The following SPIDR variants were observed in gnomAD, a reference collection of about 807,000 sequenced individuals.
SPIDR encodes the protein DNA repair-scaffolding protein.
In SPIDR, 93 loss-of-function variants were observed where a neutral mutation model predicts 104.6. That is an observed-to-expected ratio of 0.89 (90% CI 0.75 to 1.06). SPIDR has a LOEUF of 1.06. Ranked by LOEUF, SPIDR falls within the 50% of genes least tolerant of loss-of-function variation. The probability of loss-of-function intolerance (pLI) is 0.00; values close to 1 mark genes in which losing one functional copy is unlikely to be tolerated. For missense variants in SPIDR, 1,154 were observed against 1,111.2 expected, an observed-to-expected ratio of 1.04 and a Z score of -0.55; for synonymous variants, 431 against 416.9, an observed-to-expected ratio of 1.03 and a Z score of -0.41.
intron 5 of SPIDR, among the ~76,000 whole-genome samples, chr8:47,314,585 C>T (rs1470265244): frequency 1.3e-5 from 2 of 152,088 alleles, no homozygotes; most frequent in Non-Finnish European, 1.5e-5. Flanking sequence ...CTTATAAAAC[C>T]ATCAGATCTC....
rs933315497 is a variant in SPIDR at position 47,304,529 on chromosome 8, C to T, written c.525+10499C>T. Among the ~76,000 whole-genome samples, 2 of 152,080 alleles carry T rather than the reference C, an allele frequency of 1.3e-5. 1 individual carries two copies. The highest frequency in any genetic ancestry group is 4.1e-4 in the South Asian group (2 of 4,826). On this transcript the variant is annotated intron_variant, in intron 5 of 19. Transcript: ENST00000297423. Reference sequence around the variant, plus strand: ...TAAAAAAAATTAAAATAAATAAATACGTAAAAGTGTGTAGTACTGCCCACT... The same window carrying T: ...TAAAAAAAATTAAAATAAATAAATATGTAAAAGTGTGTAGTACTGCCCACT...
At chr8:47,501,978 A>G (rs906887312) in intron 8 of SPIDR, among the ~76,000 whole-genome samples, 1 of 152,194 alleles carries the variant, frequency 6.6e-6, no homozygotes, top group African/African-American at 2.4e-5. Context: ...CCAGCCTTGC[A>G]TCCCAGGGAT....
chr8:47,619,406 A>G (rs569658480), intron 10 of SPIDR, among the ~76,000 whole-genome samples: 108 of 152,192 alleles, frequency 7.1e-4, no homozygotes, highest in African/African-American at 2.6e-3. Context: ...TGCACATTTG[A>G]GCACCTCCCA....
intron 8 of SPIDR, among the ~76,000 whole-genome samples, chr8:47,500,914 G>T (rs1173246064): frequency 2.0e-5 from 3 of 152,128 alleles, no homozygotes; most frequent in East Asian, 1.9e-4. Context: ...TTTCCCCATT[G>T]CTTGTTTTTG....
At chr8:47,416,681 T>G (rs1242751264) in intron 7 of SPIDR, among the ~76,000 whole-genome samples, 3 of 152,108 alleles carry the variant, frequency 2.0e-5, no homozygotes, top group African/African-American at 7.2e-5. Flanking sequence ...GCAGGTTTCT[T>G]ACATATGTAT....
chr8:47,454,896 T>G (rs1049935519), intron 8 of SPIDR, among the ~76,000 whole-genome samples: 8 of 151,884 alleles, frequency 5.3e-5, no homozygotes, highest in East Asian at 1.9e-4. Flanking sequence ...AAAATAATAA[T>G]AATAAATAAG....
chr8:47,681,465 C>A (rs1051099721), intron 11 of SPIDR, among the ~76,000 whole-genome samples: 5 of 152,034 alleles, frequency 3.3e-5, no homozygotes, highest in African/African-American at 1.2e-4. Context: ...AAGATGAAGT[C>A]TGTTTTCCTG....
rs782120869 is a variant in SPIDR at position 47,416,880 on chromosome 8, G to GT, written c.877+8925dup. 6.3e-4 allele frequency among the ~76,000 whole-genome samples: 93 copies of GT among 147,116 alleles called. 1 individual carries two copies. The highest frequency in any genetic ancestry group is 1.2e-3 in the Non-Finnish European group (79 of 65,648). On this transcript the variant is annotated intron_variant, in intron 7 of 19. Transcript: ENST00000297423. ...TATGAGTGAGAACACGCGGTGTTTG[G>GT]TTTTTTGTCCTTGCGATAATTTGCT... is the stretch of plus-strand genomic sequence containing the variant.
chr8:47,570,017 T>C (rs1274361572), intron 8 of SPIDR, among the ~76,000 whole-genome samples: 1 of 152,238 alleles, frequency 6.6e-6, no homozygotes, highest in Non-Finnish European at 1.5e-5. Context: ...AATTGATCTG[T>C]AGATTCAACA....
intron 8 of SPIDR, among the ~76,000 whole-genome samples, chr8:47,587,558 C>T (rs1280329481): frequency 1.4e-5 from 2 of 147,280 alleles, no homozygotes; most frequent in African/African-American, 2.5e-5. Context: ...TGCTGTGAGC[C>T]GAGATGTTGC....
At chr8:47,323,988 C>T (rs1322157978) in intron 5 of SPIDR, among the ~76,000 whole-genome samples, 1 of 152,154 alleles carries the variant, frequency 6.6e-6, no homozygotes, top group East Asian at 1.9e-4. Flanking sequence ...GTTTATTGGT[C>T]TTAGTTAATA....
At chr8:47,584,344 T>A (rs2060049828) in intron 8 of SPIDR, among the ~76,000 whole-genome samples, 1 of 152,230 alleles carries the variant, frequency 6.6e-6, no homozygotes, top group South Asian at 2.1e-4. Context: ...AATATATGTT[T>A]ACCTTAAATT....
At chr8:47,635,517 A>C (rs1394615833) in intron 10 of SPIDR, among the ~76,000 whole-genome samples, 1 of 152,086 alleles carries the variant, frequency 6.6e-6, no homozygotes, top group Non-Finnish European at 1.5e-5. Flanking sequence ...TCAAAATTTA[A>C]AAAAAATAAA....
At chr8:47,446,582 C>CTTTTT (rs574653139) in intron 8 of SPIDR, among the ~76,000 whole-genome samples, 1 of 136,888 alleles carries the variant, frequency 7.3e-6, no homozygotes, top group Non-Finnish European at 1.6e-5. Flanking sequence ...ATAATGATTC[C>CTTTTT]TTTTTTTTTT....
intron 1 of SPIDR, among the ~76,000 whole-genome samples, chr8:47,273,841 C>G (rs2035828267): frequency 6.6e-6 from 1 of 152,166 alleles, no homozygotes; most frequent in Non-Finnish European, 1.5e-5. Context: ...ATCCTCCATC[C>G]TCGACCTCCC....
intron 8 of SPIDR, among the ~76,000 whole-genome samples, chr8:47,445,077 T>C (rs985686949): frequency 6.6e-6 from 1 of 152,212 alleles, no homozygotes; most frequent in African/African-American, 2.4e-5. Context: ...TAGTAGAGTC[T>C]CTGCAGCTGG....
chr8:47,416,461 C>T (rs1388252840), intron 7 of SPIDR, among the ~76,000 whole-genome samples: 1 of 151,922 alleles, frequency 6.6e-6, no homozygotes, highest in Non-Finnish European at 1.5e-5. Flanking sequence ...ATATTTGAGT[C>T]ATTAAAAATA....
chr8:47,589,584 ATC>A (rs1415992915), intron 8 of SPIDR, among the ~76,000 whole-genome samples: 2 of 152,030 alleles, frequency 1.3e-5, no homozygotes, highest in East Asian at 3.9e-4. Flanking sequence ...TATTCAAATA[ATC>A]TGTTTCATAT....
chr8:47,441,723 A>T (rs1270522112), intron 8 of SPIDR, among the ~76,000 whole-genome samples: 1 of 152,154 alleles, frequency 6.6e-6, no homozygotes, highest in Admixed American at 6.5e-5. Context: ...TTTCCTTACT[A>T]TGAGGTGTAA....
Sources: gnomAD v4.1 joint callset for allele counts (sites outside exome capture counted in the v4.1 genomes callset) on GRCh38, gnomAD v4.1.1 for gene constraint, MANE v1.5 for transcripts, NCBI Gene and HGNC (gene_info 2026-07-23, HGNC 2026-07-21) for gene names.